TRAPPC9: variants seen among roughly 807,000 people sequenced by gnomAD.
TRAPPC9 encodes the protein IKK2 binding protein.
TRAPPC9 carries 83 observed loss-of-function variants against 124.0 expected under a neutral mutation model. The observed-to-expected ratio is 0.67, with a 90% CI of 0.56 to 0.80. TRAPPC9 has a LOEUF of 0.80. TRAPPC9 is among the 30% of genes least tolerant of loss of function. TRAPPC9 has a pLI of 0.00. For missense variants in TRAPPC9, 1,302 were observed against 1,508.3 expected (o/e 0.86, Z 2.27); for synonymous variants, 638 against 617.5 (o/e 1.03, Z -0.49).
intron 15 of TRAPPC9, among the ~76,000 whole-genome samples, chr8:140,256,648 A>G (rs11778339): frequency 0.22 from 33,751 of 151,982 alleles, 4,064 homozygotes; most frequent in African/African-American, 0.31. Context: ...GTGCCGACAC[A>G]TCTGTGGGCA....
At chr8:139,829,703 C>T (rs895211614) in intron 21 of TRAPPC9, among the ~76,000 whole-genome samples, 7 of 152,192 alleles carry the variant, frequency 4.6e-5, no homozygotes, top group African/African-American at 1.7e-4. Context: ...AATATTGTAA[C>T]ACAAGAGCGA....
chr8:140,361,300 C>T (rs1190028716), intron 8 of TRAPPC9, among the ~76,000 whole-genome samples: 1 of 152,170 alleles, frequency 6.6e-6, no homozygotes, highest in East Asian at 1.9e-4. Flanking sequence ...CAGGCCTCAG[C>T]CCTGGGAAAC....
intron 17 of TRAPPC9, among the ~76,000 whole-genome samples, chr8:140,198,185 T>C (rs1230082371): frequency 1.3e-5 from 2 of 152,200 alleles, no homozygotes; most frequent in Non-Finnish European, 2.9e-5. Context: ...TTCCTGGGCA[T>C]AGGCTGAACT....
chr8:139,798,517 C>T (rs1823257249), intron 21 of TRAPPC9, among the ~76,000 whole-genome samples: 1 of 152,200 alleles, frequency 6.6e-6, no homozygotes, highest in African/African-American at 2.4e-5. Flanking sequence ...GTGACTGCTC[C>T]AGAGACTGCT....
intron 7 of TRAPPC9, among the ~76,000 whole-genome samples, chr8:140,375,028 T>G (rs1456786125): frequency 6.6e-6 from 1 of 152,176 alleles, no homozygotes; most frequent in Non-Finnish European, 1.5e-5. Flanking sequence ...CAACTGCTTT[T>G]GGGCACTAGG....
intron 19 of TRAPPC9, among the ~76,000 whole-genome samples, chr8:139,980,489 G>C (rs192539857): frequency 3.9e-5 from 6 of 152,166 alleles, no homozygotes; most frequent in African/African-American, 1.4e-4. Flanking sequence ...TGCTCCAGCC[G>C]TGCGATCTGG....
intron 17 of TRAPPC9, among the ~76,000 whole-genome samples, chr8:140,075,962 T>C (rs547332795): frequency 3.3e-5 from 5 of 152,364 alleles, no homozygotes; most frequent in African/African-American, 1.2e-4. Context: ...CCACTTCTAA[T>C]GCAACGATAA....
intron 9 of TRAPPC9, among the ~76,000 whole-genome samples, chr8:140,318,243 TTTA>T (rs1351220970): frequency 3.3e-5 from 5 of 152,238 alleles, no homozygotes; most frequent in African/African-American, 1.2e-4. Flanking sequence ...AGCAATAATT[TTTA>T]TTATATTTTG....
chr8:140,016,381 T>C (rs919481497), intron 18 of TRAPPC9, among the ~76,000 whole-genome samples: 20 of 152,182 alleles, frequency 1.3e-4, no homozygotes, highest in African/African-American at 4.3e-4. Context: ...ATTTCAGAGC[T>C]AAAATCTAGA....
At chr8:140,287,820 G>A in intron 12 of TRAPPC9, 86 bp from the exon 13 acceptor site, 1 of 1,571,744 alleles carries the variant, frequency 6.4e-7, no homozygotes, top group South Asian at 1.1e-5. Flanking sequence ...CATTGGCTAT[G>A]GCACATCGGA....
At chr8:140,270,784 C>G (rs1290123544) in intron 15 of TRAPPC9, among the ~76,000 whole-genome samples, 1 of 152,194 alleles carries the variant, frequency 6.6e-6, no homozygotes, top group Non-Finnish European at 1.5e-5. Context: ...GCAGGAGCAT[C>G]CAGGAAGCCA....
intron 9 of TRAPPC9, among the ~76,000 whole-genome samples, chr8:140,340,004 C>A (rs570012329): frequency 1.3e-5 from 2 of 152,006 alleles, no homozygotes; most frequent in Non-Finnish European, 2.9e-5. Context: ...CACCACCACA[C>A]GCAGCTAATT....
chr8:139,921,508 G>C (rs1832499499), intron 19 of TRAPPC9, among the ~76,000 whole-genome samples: 2 of 152,304 alleles, frequency 1.3e-5, no homozygotes, highest in Admixed American at 6.5e-5. Context: ...GCATGTTAGA[G>C]GAGTATGCAG....
chr8:140,050,895 C>G (rs1841955484), intron 17 of TRAPPC9, among the ~76,000 whole-genome samples: 1 of 152,214 alleles, frequency 6.6e-6, no homozygotes, highest in Admixed American at 6.5e-5. Flanking sequence ...ACGTGGCCTT[C>G]TTTCTCAGCT....
intron 9 of TRAPPC9, among the ~76,000 whole-genome samples, chr8:140,324,746 A>G (rs1360761880): frequency 6.6e-6 from 1 of 152,206 alleles, no homozygotes; most frequent in Non-Finnish European, 1.5e-5. Flanking sequence ...CTCCAGCCTG[A>G]GCAACAGAGG....
At chr8:140,364,311 A>G (rs1297629786) in intron 8 of TRAPPC9, among the ~76,000 whole-genome samples, 3 of 151,670 alleles carry the variant, frequency 2.0e-5, no homozygotes, top group Non-Finnish European at 4.4e-5. Flanking sequence ...AAAAAAAAAA[A>G]AGGAACCGAA....
chr8:140,038,166 G>A (rs1315133162), intron 17 of TRAPPC9, among the ~76,000 whole-genome samples: 3 of 151,912 alleles, frequency 2.0e-5, no homozygotes, highest in South Asian at 2.1e-4. Flanking sequence ...TGTGAGGAAC[G>A]GAGAATAAAA....
chr8:140,358,956 G>T (rs1193048661), intron 9 of TRAPPC9, among the ~76,000 whole-genome samples: 2 of 152,160 alleles, frequency 1.3e-5, no homozygotes, highest in East Asian at 3.9e-4. Flanking sequence ...CTCTCCGACG[G>T]CTTCCCAGCT....
At chr8:140,349,170 A>T (rs1227721565) in intron 9 of TRAPPC9, among the ~76,000 whole-genome samples, 2 of 111,830 alleles carry the variant, frequency 1.8e-5, no homozygotes, top group Non-Finnish European at 3.6e-5. Flanking sequence ...GGGGCGCACG[A>T]AGGAAGGACA....
Sources: gnomAD v4.1 joint callset for allele counts (sites outside exome capture counted in the v4.1 genomes callset) on GRCh38, gnomAD v4.1.1 for gene constraint, MANE v1.5 for transcripts, NCBI Gene and HGNC (gene_info 2026-07-23, HGNC 2026-07-21) for gene names.